Variants in EFHB observed in about 807,000 individuals in gnomAD.
EFHB encodes the protein EF-hand domain family member B.
A neutral mutation model predicts 87.2 loss-of-function variants in EFHB; 91 were observed. The ratio of observed to expected loss-of-function variants is 1.04; its 90% CI spans 0.88 to 1.24. The LOEUF is 1.24. Among genes scored for constraint, EFHB ranks in the 50% most tolerant of loss-of-function variants. The probability of loss-of-function intolerance (pLI) is 0.00; values close to 1 mark genes in which losing one functional copy is unlikely to be tolerated. For synonymous variants in EFHB, 325 were observed against 333.6 expected, an observed-to-expected ratio of 0.97 and a Z score of 0.28; for missense variants, 1,084 against 998.8, an observed-to-expected ratio of 1.09 and a Z score of -1.15.
rs1395773821 is a variant in EFHB at position 19,919,380 on chromosome 3, T to C, written c.996+453A>G. 2.6e-5 allele frequency among the ~76,000 whole-genome samples: 4 copies of C among 150,954 alleles called. No individual in the cohort carries two copies. The South Asian group carries it at 6.3e-4, about 24-fold the overall frequency. On this transcript the variant is annotated intron_variant, in intron 3 of 12. Transcript: ENST00000295824. ...CCCCAGCTGCTTTTTTTTTTTTTTTTACTTTTAGTAGAGACAGGATTTCGC... is the reference window on the plus strand; with the variant it reads ...CCCCAGCTGCTTTTTTTTTTTTTTTCACTTTTAGTAGAGACAGGATTTCGC...
At chr3:19,937,918 T>C (rs1248628906), upstream of EFHB, among the ~76,000 whole-genome samples, 1 of 152,208 alleles carries the variant, frequency 6.6e-6, no homozygotes, top group Non-Finnish European at 1.5e-5. Flanking sequence ...CCCTGAAGAC[T>C]GTTAGCTCCT....
chr3:19,893,258 C>A (rs927745241), intron 9 of EFHB, among the ~76,000 whole-genome samples: 3 of 152,100 alleles, frequency 2.0e-5, no homozygotes, highest in Admixed American at 2.0e-4. Context: ...TCTATTTTCG[C>A]CTAGACCTTT....
At chr3:19,926,402 C>T (rs1048481573) in intron 1 of EFHB, among the ~76,000 whole-genome samples, 17 of 152,124 alleles carry the variant, frequency 1.1e-4, no homozygotes, top group East Asian at 3.9e-4. Context: ...CTCGCTCTGT[C>T]GCCGAGGCTG....
chr3:19,946,243 C>T (rs1696277371), intron 1 of EFHB: 1 of 152,234 alleles, frequency 6.6e-6, no homozygotes, highest in African/African-American at 2.4e-5. Flanking sequence ...TCTTGTGTCT[C>T]AAATTCTTTA....
intron 9 of EFHB, among the ~76,000 whole-genome samples, chr3:19,891,281 C>G (rs539936476): frequency 6.6e-6 from 1 of 152,210 alleles, no homozygotes; most frequent in East Asian, 1.9e-4. Context: ...GTTTCAAACT[C>G]CCAGCCTCAA....
intron 1 of EFHB, among the ~76,000 whole-genome samples, chr3:19,932,176 C>G (rs1205272003): frequency 6.6e-6 from 1 of 152,168 alleles, no homozygotes; most frequent in Non-Finnish European, 1.5e-5. Context: ...GTGCAGTCTC[C>G]TTTCTATTCT....
At chr3:19,908,258 C>T (rs1470525922) in intron 5 of EFHB, among the ~76,000 whole-genome samples, 2 of 151,984 alleles carry the variant, frequency 1.3e-5, no homozygotes, top group Non-Finnish European at 2.9e-5. Context: ...ATCGGCTGGG[C>T]GCAGTGGCTC....
chr3:19,941,781 C>T (rs965432573), intron 1 of EFHB, among the ~76,000 whole-genome samples: 4 of 150,096 alleles, frequency 2.7e-5, no homozygotes, highest in South Asian at 2.1e-4. Flanking sequence ...CGCTTGAACC[C>T]GGGAGGCAGA....
upstream of EFHB, chr3:19,936,328 C>T (rs749988965): frequency 1.5e-5 from 7 of 472,492 alleles, no homozygotes; most frequent in South Asian, 2.9e-5. Flanking sequence ...CCAGCCTGGG[C>T]GACAGACTGA....
At chr3:19,941,984 G>A (rs1376732394) in intron 1 of EFHB, among the ~76,000 whole-genome samples, 1 of 151,520 alleles carries the variant, frequency 6.6e-6, no homozygotes, top group African/African-American at 2.4e-5. Context: ...GTGAAACCAC[G>A]TCTCTACTAA....
At chr3:19,920,695 G>T (rs2125152978) in intron 1 of EFHB, 128 bp from the exon 2 acceptor site, 2 of 643,540 alleles carry the variant, frequency 3.1e-6, no homozygotes, top group East Asian at 6.0e-5. Flanking sequence ...CATAAAAAAG[G>T]AAGAACAAAT....
intron 1 of EFHB, among the ~76,000 whole-genome samples, chr3:19,944,337 T>G (rs2125173175): frequency 6.6e-6 from 1 of 152,322 alleles, no homozygotes; most frequent in South Asian, 2.1e-4. Context: ...TTTAGAGATT[T>G]GAGGGCAGTA....
Position 19,884,593 on chromosome 3 carries a change from G to A in EFHB, c.1956C>T (p.Asn652=), listed in dbSNP as rs1244706119. The change falls in exon 11 of 13, where the codon AAC becomes AAT. Residue 652 remains asparagine (N), a synonymous_variant. Transcript: ENST00000295824. ...GTTCTTCAACATTAGCCTCAGTAGG[G>A]TTTACACAATCTGGTTTTCTACCTT... ...IIKGRKPDCV[N]PTEANVEEPE... 1 of 1,612,994 alleles carries A rather than the reference G, an allele frequency of 6.2e-7. No homozygotes were observed. Among genetic ancestry groups the A allele is most frequent in the Non-Finnish European group, 8.5e-7 (1 of 1,179,684 alleles).
intron 1 of EFHB, among the ~76,000 whole-genome samples, 186 bp from the exon 2 acceptor site, chr3:19,920,753 T>C (rs1695411538): frequency 6.6e-6 from 1 of 152,232 alleles, no homozygotes; most frequent in South Asian, 2.1e-4. Flanking sequence ...AAATGCTATG[T>C]ATATATTATA....
intron 1 of EFHB, among the ~76,000 whole-genome samples, chr3:19,923,995 G>T (rs971612482): frequency 1.3e-5 from 2 of 152,096 alleles, no homozygotes; most frequent in African/African-American, 4.8e-5. Flanking sequence ...ACTTTGGGAG[G>T]CTGAGGCAGG....
chr3:19,903,293 T>C (rs1305322510), intron 6 of EFHB, among the ~76,000 whole-genome samples: 1 of 152,168 alleles, frequency 6.6e-6, no homozygotes, highest in African/African-American at 2.4e-5. Flanking sequence ...TTTGCCCTTA[T>C]AAACTTTGTG....
chr3:19,895,658 T>C (rs1694457254), intron 9 of EFHB, among the ~76,000 whole-genome samples: 2 of 152,172 alleles, frequency 1.3e-5, no homozygotes, highest in African/African-American at 4.8e-5. Context: ...GGCTCCAAGC[T>C]TCCTGGTAAC....
At chr3:19,922,753 G>C (rs564580193) in intron 1 of EFHB, among the ~76,000 whole-genome samples, 9 of 152,302 alleles carry the variant, frequency 5.9e-5, no homozygotes, top group Admixed American at 3.3e-4. Flanking sequence ...GCTCACAATG[G>C]AGATGGTGAT....
chr3:19,921,370 C>T (rs1457052750), intron 1 of EFHB, among the ~76,000 whole-genome samples: 2 of 151,652 alleles, frequency 1.3e-5, no homozygotes, highest in South Asian at 2.1e-4. Context: ...ACAGACATAG[C>T]CAGGCAGAAA....
Sources: gnomAD v4.1 joint callset for allele counts (sites outside exome capture counted in the v4.1 genomes callset) on GRCh38, gnomAD v4.1.1 for gene constraint, MANE v1.5 for transcripts, NCBI Gene and HGNC (gene_info 2026-07-23, HGNC 2026-07-21) for gene names.